ZC3H4: variants seen among roughly 807,000 people sequenced by gnomAD.
ZC3H4 encodes zinc finger CCCH-type containing 4.
A neutral mutation model predicts 108.3 loss-of-function variants in ZC3H4; 13 were observed. That is an observed-to-expected ratio of 0.12 (90% CI 0.08 to 0.19). The LOEUF is 0.19. Among genes scored for constraint, ZC3H4 ranks in the 10% least tolerant of loss-of-function variants. The probability of loss-of-function intolerance (pLI) is 1.00; values close to 1 mark genes in which losing one functional copy is unlikely to be tolerated. For missense variants in ZC3H4, 1,734 were observed against 1,838.8 expected (o/e 0.94, Z 1.04); for synonymous variants, 917 against 749.6 (o/e 1.22, Z -3.65).
At chr19:47,112,867 G>A (rs916972617) in intron 1 of ZC3H4, among the ~76,000 whole-genome samples, 8 of 152,152 alleles carry the variant, frequency 5.3e-5, no homozygotes, top group Admixed American at 1.3e-4. Context: ...CCCGGGGGGC[G>A]GGACACCCGG....
At position 47,110,423 on chromosome 19, in the gene ZC3H4, C is replaced by CT. The variant is rs1016473651; in HGVS notation, c.161+2000dup. Among the ~76,000 whole-genome samples the CT allele has an allele frequency of 5.9e-5, 9 of 152,104 alleles. No individual in the cohort carries two copies. In the South Asian group the frequency reaches 6.2e-4, roughly 11 times the overall value. Reference sequence around the variant, plus strand: ...ATTTTTGTCATGTTACAGTAACACACTTTTTTTTCTGAGAAAACTGTGTAC... The same window carrying CT: ...ATTTTTGTCATGTTACAGTAACACACTTTTTTTTTCTGAGAAAACTGTGTAC... On this transcript the variant is annotated intron_variant, in intron 2 of 14. Transcript: ENST00000253048.
chr19:47,069,726 T>A (rs957174053), intron 13 of ZC3H4, among the ~76,000 whole-genome samples: 5 of 152,192 alleles, frequency 3.3e-5, no homozygotes, highest in Non-Finnish European at 7.3e-5. Flanking sequence ...TTATTTTGGA[T>A]GGATAGGAGT....
At chr19:47,081,670 T>A (rs756826747) in intron 10 of ZC3H4, 48 bp from the exon 11 acceptor site, 43 of 1,498,624 alleles carry the variant, frequency 2.9e-5, no homozygotes, top group Non-Finnish European at 3.8e-5. Context: ...AACGCCCCCC[T>A]CCCCCACCAC....
chr19:47,089,871 A>G, intron 5 of ZC3H4, 96 bp downstream of exon 5: 1 of 1,303,412 alleles, frequency 7.7e-7, no homozygotes, highest in Non-Finnish European at 1.1e-6. Context: ...TCCCAACCCT[A>G]AGTGACCAAA....
chr19:47,068,688 C>T (rs1568529424), intron 14 of ZC3H4, among the ~76,000 whole-genome samples: 1 of 152,174 alleles, frequency 6.6e-6, no homozygotes. Flanking sequence ...CTCGGTGGCT[C>T]GTGACTATGA....
At chr19:47,086,663 T>G in intron 5 of ZC3H4, 125 bp from the exon 6 acceptor site, 1 of 1,423,240 alleles carries the variant, frequency 7.0e-7, no homozygotes, top group Non-Finnish European at 9.1e-7. Flanking sequence ...CTCCTCCTCC[T>G]CCTCCTCCAA....
In ZC3H4 at chr19:47,105,195, C is replaced by T. The variant is rs145184938; in HGVS notation, c.161+7229G>A. Among the ~76,000 whole-genome samples the T allele has an allele frequency of 3.3e-5, 5 of 152,326 alleles. No individual in the cohort carries two copies. The East Asian group carries it at 9.7e-4, about 29-fold the overall frequency. ...ATGGCTGCTGTGCAGGCATACCAGA[C>T]AGTGCATACCATATCACGTGGTGGG... On this transcript the variant is annotated intron_variant, in intron 2 of 14. Coordinates refer to ENST00000253048, the MANE Select transcript of ZC3H4 (RefSeq NM_015168.2).
intron 11 of ZC3H4, among the ~76,000 whole-genome samples, chr19:47,079,268 A>AT (rs1357873493): frequency 6.6e-6 from 1 of 151,272 alleles, no homozygotes; most frequent in Non-Finnish European, 1.5e-5. Flanking sequence ...ACCTCAGGTG[A>AT]TCCGTCTGCC....
chr19:47,107,218 C>T (rs1471653844), intron 2 of ZC3H4, among the ~76,000 whole-genome samples: 1 of 152,158 alleles, frequency 6.6e-6, no homozygotes, highest in Non-Finnish European at 1.5e-5. Context: ...AAATGCACTT[C>T]CTTCAAAAAT....
In ZC3H4 at chr19:47,069,178, A is replaced by G. The variant is rs1411672321; in HGVS notation, c.2312T>C (p.Leu771Pro). The G allele has an allele frequency of 6.2e-7, 1 of 1,609,924 alleles. No individual in the cohort carries two copies. Among genetic ancestry groups the G allele is most frequent in the Admixed American group, 1.7e-5 (1 of 60,004 alleles). Residue 771 changes from leucine (L) to proline (P), a missense_variant, in exon 14 of 15, where the codon CTG (leucine) becomes CCG (proline). Transcript: ENST00000253048. ...CTCCTGCTGCTTCTGCTGGATCCTC[A>G]GGTACAGGGCCCTCTGGGCTGAGGG... is the stretch of plus-strand genomic sequence containing the variant. ...FLPSAQRALY[L>P]RIQQKQQEEE...
rs1286907264 is a variant in ZC3H4, at chr19:47,071,890, G to A, written c.2034C>T (p.Asp678=). The change falls in exon 13 of 15, where the codon GAC becomes GAT. Residue 678 remains aspartate (D), a synonymous_variant. Transcript: ENST00000253048. ...GPPMMPYGPG[D]SPHSGMMPPI... ...GGGGCATCATTCCAGAATGTGGGGA[G>A]TCTCCAGGGCCGTAGGGCATCATTG... 1.2e-6 allele frequency: 2 copies of A among 1,612,738 alleles called. No homozygotes were observed. Among genetic ancestry groups the A allele is most frequent in the South Asian group, 1.1e-5 (1 of 90,922 alleles).
Position 47,109,038 on chromosome 19 carries a change from T to C in ZC3H4, c.161+3386A>G, listed in dbSNP as rs780835294. 5.2e-4 allele frequency among the ~76,000 whole-genome samples: 79 copies of C among 152,198 alleles called. 2 individuals are homozygous for C. The highest frequency in any genetic ancestry group is 1.2e-4 in the Non-Finnish European group (8 of 68,026). On this transcript the variant is annotated intron_variant, in intron 2 of 14. Transcript: ENST00000253048. The stretch of plus-strand genomic sequence containing the variant: ...CCAGAGAAAATAAAAATGTAAAAGT[T>C]TGTAAGTGTATAATAAGATTTGTTA...
intron 2 of ZC3H4, among the ~76,000 whole-genome samples, chr19:47,108,628 T>C (rs1290772290): frequency 6.6e-6 from 1 of 152,198 alleles, no homozygotes; most frequent in Admixed American, 6.5e-5. Context: ...CATCTTTAAC[T>C]TGCCAGGCAG....
chr19:47,066,557 G>A lies in ZC3H4; in HGVS notation c.3711C>T (p.Pro1237=). 6.3e-7 allele frequency: 1 copy of A among 1,577,068 alleles called. No homozygotes were observed. Among genetic ancestry groups the A allele is most frequent in the Non-Finnish European group, 8.6e-7 (1 of 1,161,434 alleles). The change falls in exon 15 of 15, where the codon CCC becomes CCT. Residue 1237 remains proline (P), a synonymous_variant. Transcript: ENST00000253048. ...CGGGCTGGGGTGGGGCACCCTCGGG[G>A]GGTGGGGTGGCGGTGGTGGCAGCGG... ...AAPAATTATP[P]PEGAPPQPGV... is the part of the protein sequence containing the mutation.
At chr19:47,106,529 G>A (rs903963954) in intron 2 of ZC3H4, among the ~76,000 whole-genome samples, 1 of 152,224 alleles carries the variant, frequency 6.6e-6, no homozygotes. Flanking sequence ...GGCATGACCA[G>A]GAACCTGATG....
intron 2 of ZC3H4, among the ~76,000 whole-genome samples, chr19:47,108,127 A>G (rs181851228): frequency 1.7e-4 from 26 of 152,284 alleles, no homozygotes; most frequent in African/African-American, 5.5e-4. Flanking sequence ...ACCAATTGCC[A>G]GAAATCTCAG....
chr19:47,094,413 C>T lies in ZC3H4; in HGVS notation c.357G>A (p.Lys119=). ...CTTTGTGCTTGGATTTCCTCCTCTTCTTCGACCTCCTTTTCTCTTTCTCCC... is the reference window on the plus strand; with the variant it reads ...CTTTGTGCTTGGATTTCCTCCTCTTTTTCGACCTCCTTTTCTCTTTCTCCC... The part of the protein sequence containing the change: ...KEREKEKRRS[K]KRRKSKHKRH... Residue 119 remains lysine (K), a synonymous_variant, in exon 3 of 15, where the codon AAG becomes AAA. Transcript: ENST00000253048. 1 of 1,614,198 alleles carries T rather than the reference C, an allele frequency of 6.2e-7. No individual in the cohort carries two copies. The highest frequency in any genetic ancestry group is 8.5e-7 in the Non-Finnish European group (1 of 1,180,050).
Position 47,085,413 on chromosome 19 carries a change from T to C in ZC3H4, c.872A>G (p.Tyr291Cys), listed in dbSNP as rs1447346970. 5.0e-6 allele frequency: 8 copies of C among 1,586,150 alleles called. No homozygotes were observed. Among genetic ancestry groups the C allele is most frequent in the South Asian group, 1.2e-5 (1 of 86,750 alleles). The change falls in exon 7 of 15, where the codon TAT (tyrosine) becomes TGT (cysteine). Residue 291 changes from tyrosine to cysteine, a missense_variant and splice_region_variant. Physicochemically the swap from Tyr to Cys is radical, Grantham distance 194 (BLOSUM62 -2). This residue lies in a region of ZC3H4 where 403 missense variants were observed against 457.0 expected (regional missense o/e 0.88). Coordinates refer to ENST00000253048, the MANE Select transcript of ZC3H4 (RefSeq NM_015168.2). The part of the protein sequence containing the change: ...EEDFYEEEMD[Y>C]GESEEPMGDD... ...TCCCATTGGCTCCTCACTCTCTCCATACTGGAATGCGCAGAGGAGAGGGCA... is the reference window on the plus strand; with the variant it reads ...TCCCATTGGCTCCTCACTCTCTCCACACTGGAATGCGCAGAGGAGAGGGCA...
chr19:47,081,958 T>C (rs1364372019), intron 10 of ZC3H4, among the ~76,000 whole-genome samples: 2 of 152,180 alleles, frequency 1.3e-5, no homozygotes, highest in African/African-American at 4.8e-5. Context: ...TGAGAGCCTA[T>C]GTAAACAGAA....
Sources: gnomAD v4.1 joint callset for allele counts (sites outside exome capture counted in the v4.1 genomes callset) on GRCh38, gnomAD v4.1.1 for gene constraint, gnomAD v4.1.1 regional missense constraint, MANE v1.5 for transcripts, NCBI Gene and HGNC (gene_info 2026-07-23, HGNC 2026-07-21) for gene names.